FGFR1OP2: variants seen among roughly 807,000 people sequenced by gnomAD.
FGFR1OP2 encodes fibroblast growth factor receptor 1 oncogene partner 2.
A neutral mutation model predicts 35.2 loss-of-function variants in FGFR1OP2; 17 were observed. The observed-to-expected ratio is 0.48, with a 90% CI of 0.33 to 0.73. The LOEUF is 0.73. Among genes scored for constraint, FGFR1OP2 ranks in the 30% least tolerant of loss-of-function variants. The probability of loss-of-function intolerance (pLI) is 0.02; values close to 1 mark genes in which losing one functional copy is unlikely to be tolerated. For missense variants in FGFR1OP2, 251 were observed against 307.3 expected (o/e 0.82, Z 1.37); for synonymous variants, 105 against 104.6 (o/e 1.00, Z -0.03).
Position 26,960,541 on chromosome 12 carries a change from C to G in FGFR1OP2, c.423C>G (p.Ser141=), listed in dbSNP as rs773031830. 6.2e-7 allele frequency: 1 copy of G among 1,613,066 alleles called. No homozygotes were observed. Among genetic ancestry groups the G allele is most frequent in the South Asian group, 1.1e-5 (1 of 91,044 alleles). ...SKIDMVHRNK[S]EGFFLDASRH... is the part of the protein sequence containing the mutation. ...TTGACATGGTACATCGTAACAAGTC[C>G]GAAGGATTCTTCCTTGATGCATCTC... Residue 141 remains serine (S), a synonymous_variant, in exon 5 of 7, where the codon TCC becomes TCG. Coordinates refer to ENST00000229395, the MANE Select transcript of FGFR1OP2 (RefSeq NM_015633.3).
At chr12:26,939,273 C>T (rs966792071) in intron 1 of FGFR1OP2, among the ~76,000 whole-genome samples, 3 of 151,800 alleles carry the variant, frequency 2.0e-5, no homozygotes, top group Non-Finnish European at 4.4e-5. Flanking sequence ...GTTGCCCCCT[C>T]TGCCCCCCGC....
chr12:26,956,617 G>C lies in FGFR1OP2; in HGVS notation c.210G>C (p.Gln70His). 6.2e-7 allele frequency: 1 copy of C among 1,606,550 alleles called. No homozygotes were observed. Among genetic ancestry groups the C allele is most frequent in the Admixed American group, 1.7e-5 (1 of 58,772 alleles). ...RPRSTLVMGI[Q>H]QENRQIRELQ... is the part of the protein sequence containing the mutation. The stretch of plus-strand genomic sequence containing the variant: ...GGTCCACGTTAGTTATGGGAATCCA[G>C]CAAGAAAACAGACAAATCAGAGAGT... Residue 70 changes from glutamine to histidine, a missense_variant, in exon 3 of 7, where the codon CAG becomes CAC. Physicochemically the swap from Gln to His is conservative, Grantham distance 24 (BLOSUM62 0). Coordinates refer to ENST00000229395, the MANE Select transcript of FGFR1OP2 (RefSeq NM_015633.3).
intron 4 of FGFR1OP2, among the ~76,000 whole-genome samples, chr12:26,959,523 T>C (rs940931107): frequency 1.3e-5 from 2 of 152,190 alleles, no homozygotes; most frequent in Non-Finnish European, 2.9e-5. Context: ...TAACTATAGC[T>C]TGCAGGTCCC....
intron 1 of FGFR1OP2, among the ~76,000 whole-genome samples, chr12:26,939,973 A>G (rs1156871501): frequency 6.6e-6 from 1 of 152,244 alleles, no homozygotes; most frequent in Non-Finnish European, 1.5e-5. Flanking sequence ...TGTACTTCTA[A>G]TACACATGCA....
chr12:26,960,507 T>A lies in FGFR1OP2; in HGVS notation c.397-8T>A, dbSNP rs147141149. ...CCGTATTAACATTATAATGACTCTA[T>A]ACTACAGATTGACATGGTACATCGT... On this transcript the variant is annotated splice_region_variant and splice_polypyrimidine_tract_variant and intron_variant, in intron 4 of 6. Coordinates refer to ENST00000229395, the MANE Select transcript of FGFR1OP2 (RefSeq NM_015633.3). 1.9e-6 allele frequency: 3 copies of A among 1,600,182 alleles called. No homozygotes were observed. The African/African-American group carries it at 4.0e-5, about 21-fold the overall frequency.
intron 2 of FGFR1OP2, among the ~76,000 whole-genome samples, chr12:26,955,765 T>A (rs1939008458): frequency 6.6e-6 from 1 of 152,250 alleles, no homozygotes; most frequent in Non-Finnish European, 1.5e-5. Context: ...CTGGTAAGAA[T>A]ATGCTGCTAT....
intron 1 of FGFR1OP2, among the ~76,000 whole-genome samples, chr12:26,941,324 AAAG>A (rs1833402443): frequency 6.6e-6 from 1 of 152,224 alleles, no homozygotes; most frequent in Admixed American, 6.5e-5. Flanking sequence ...CCTGGCCAAA[AAAG>A]AGGGGAAGCA....
intron 1 of FGFR1OP2, among the ~76,000 whole-genome samples, chr12:26,952,805 T>A (rs976207336): frequency 6.6e-6 from 1 of 151,952 alleles, no homozygotes; most frequent in Admixed American, 6.5e-5. Context: ...ATAAAGTTGA[T>A]GAAAGTCTTT....
chr12:26,958,453 T>G (rs964915237), intron 4 of FGFR1OP2, among the ~76,000 whole-genome samples: 13 of 152,366 alleles, frequency 8.5e-5, no homozygotes, highest in Admixed American at 6.5e-4. Flanking sequence ...GAAACCTTTT[T>G]TAAAATCTGA....
intron 1 of FGFR1OP2, among the ~76,000 whole-genome samples, chr12:26,940,791 TGGTTGC>T (rs1938722533): frequency 6.6e-6 from 1 of 152,246 alleles, no homozygotes; most frequent in Non-Finnish European, 1.5e-5. Flanking sequence ...CTAATTAAAA[TGGTTGC>T]TAGGCTTTTA....
chr12:26,950,213 G>GTTGTTTTTTTTTTTTTTTTTTTTTT (rs1938898866), intron 1 of FGFR1OP2, among the ~76,000 whole-genome samples: 2 of 50,934 alleles, frequency 3.9e-5, no homozygotes, highest in African/African-American at 1.6e-4. Flanking sequence ...TGTATTCGTT[G>GTTGTTTTTTTTTTTTTTTTTTTTTT]TTTTTTTTTT....
chr12:26,960,557 G>A lies in FGFR1OP2; in HGVS notation c.439G>A (p.Asp147Asn). ...HRNKSEGFFL[D>N]ASRHILEAPQ... ...TAACAAGTCCGAAGGATTCTTCCTTGATGCATCTCGACACATCCTTGAAGC... is the reference window on the plus strand; with the variant it reads ...TAACAAGTCCGAAGGATTCTTCCTTAATGCATCTCGACACATCCTTGAAGC... Residue 147 changes from aspartate to asparagine, a missense_variant, in exon 5 of 7, where the codon GAT becomes AAT. Coordinates refer to ENST00000229395, the MANE Select transcript of FGFR1OP2 (RefSeq NM_015633.3). 3 of 1,613,490 alleles carry A rather than the reference G, an allele frequency of 1.9e-6. No individual in the cohort carries two copies. Among genetic ancestry groups the A allele is most frequent in the South Asian group, 2.2e-5 (2 of 91,056 alleles).
intron 1 of FGFR1OP2, among the ~76,000 whole-genome samples, chr12:26,941,471 T>TA (rs929370924): frequency 1.4e-4 from 21 of 152,236 alleles, no homozygotes; most frequent in African/African-American, 4.1e-4. Context: ...TCTGAAATGC[T>TA]AAAAAAAATT....
chr12:26,964,793 T>G lies in FGFR1OP2; in HGVS notation c.*60T>G. On this transcript the variant is annotated 3_prime_UTR_variant, in exon 7 of 7. Transcript: ENST00000229395. Reference sequence around the variant, plus strand: ...CCAAATGGTCAAATAAGTGAATGAATGAATGGACAGAAAATTCAATCCTTT... The same window carrying G: ...CCAAATGGTCAAATAAGTGAATGAAGGAATGGACAGAAAATTCAATCCTTT... The G allele has an allele frequency of 6.4e-7, 1 of 1,552,818 alleles. No individual in the cohort carries two copies. Among genetic ancestry groups the G allele is most frequent in the Non-Finnish European group, 8.8e-7 (1 of 1,140,640 alleles).
intron 3 of FGFR1OP2, among the ~76,000 whole-genome samples, chr12:26,956,992 A>G (rs1400328969): frequency 6.6e-6 from 1 of 152,204 alleles, no homozygotes; most frequent in Non-Finnish European, 1.5e-5. Context: ...CAGTCTGATC[A>G]TGTAATTCTT....
At chr12:26,944,209 A>G (rs1013961636) in intron 1 of FGFR1OP2, among the ~76,000 whole-genome samples, 66 of 152,308 alleles carry the variant, frequency 4.3e-4, no homozygotes, top group African/African-American at 1.4e-3. Context: ...CATAGACAAC[A>G]ATGTTGGTTG....
At chr12:26,963,588 G>A (rs1025369582) in intron 6 of FGFR1OP2, 133 bp downstream of exon 6, 27 of 539,406 alleles carry the variant, frequency 5.0e-5, no homozygotes, top group South Asian at 3.3e-4. Flanking sequence ...TGTCTATGTG[G>A]GCATATTATG....
chr12:26,941,737 T>A (rs1938737438), intron 1 of FGFR1OP2, among the ~76,000 whole-genome samples: 1 of 152,216 alleles, frequency 6.6e-6, no homozygotes, highest in Non-Finnish European at 1.5e-5. Context: ...ATATTTGAAA[T>A]TTTTTTATTC....
At position 26,963,335 on chromosome 12, in the gene FGFR1OP2, T is replaced by C. The variant is rs1276427804; in HGVS notation, c.511-7T>C. Reference sequence around the variant, plus strand: ...GCTGATTTCCAACTCCCATCCCTCTTTTTCAGGAACTGCAAGCACATGTTG... The same window carrying C: ...GCTGATTTCCAACTCCCATCCCTCTCTTTCAGGAACTGCAAGCACATGTTG... On this transcript the variant is annotated splice_region_variant and splice_polypyrimidine_tract_variant and intron_variant, in intron 5 of 6. Transcript: ENST00000229395. 3 of 1,576,262 alleles carry C rather than the reference T, an allele frequency of 1.9e-6. No individual in the cohort carries two copies. Among genetic ancestry groups the C allele is most frequent in the Middle Eastern group, 1.7e-4 (1 of 5,880 alleles).
Sources: allele counts gnomAD v4.1 joint callset (sites outside exome capture counted in the v4.1 genomes callset), GRCh38; gene constraint gnomAD v4.1.1; transcripts MANE v1.5; gene names NCBI Gene and HGNC (gene_info 2026-07-23, HGNC 2026-07-21).